Variants in LNX1 observed in about 807,000 individuals in gnomAD.
LNX1 encodes the protein E3 ubiquitin-protein ligase LNX.
LNX1 carries 54 observed loss-of-function variants against 68.4 expected under a neutral mutation model. The ratio of observed to expected loss-of-function variants is 0.79; its 90% CI spans 0.63 to 0.99. LNX1 has a LOEUF of 0.99. Ranked by LOEUF, LNX1 falls within the 50% of genes least tolerant of loss-of-function variation. The pLI is 0.00. For missense variants in LNX1, 906 were observed against 926.4 expected, an observed-to-expected ratio of 0.98 and a Z score of 0.29; for synonymous variants, 336 against 350.0, an observed-to-expected ratio of 0.96 and a Z score of 0.45.
At chr4:53,559,017 T>C (rs4864795) in intron 2 of LNX1, among the ~76,000 whole-genome samples, 26,564 of 152,110 alleles carry the variant, frequency 0.17, 3,268 homozygotes, top group African/African-American at 0.35. Flanking sequence ...TTCAAGAAGA[T>C]TAAATTCCAT....
intron 1 of LNX1, among the ~76,000 whole-genome samples, chr4:53,633,370 C>T (rs1251454509): frequency 6.6e-6 from 1 of 152,192 alleles, no homozygotes; most frequent in Non-Finnish European, 1.5e-5. Flanking sequence ...TCTTTCTCTT[C>T]TCCTTTTTAT....
intron 2 of LNX1, among the ~76,000 whole-genome samples, chr4:53,566,305 A>C (rs1410602458): frequency 6.6e-6 from 1 of 151,574 alleles, no homozygotes; most frequent in Non-Finnish European, 1.5e-5. Context: ...ATCTCTCTGC[A>C]GAAACCCTAC....
In LNX1 at chr4:53,460,905, T is replaced by G; in HGVS notation, c.*2A>C. 6.2e-7 allele frequency: 1 copy of G among 1,608,156 alleles called. No homozygotes were observed. The highest frequency in any genetic ancestry group is 8.5e-7 in the Non-Finnish European group (1 of 1,177,882). ...CTGTTTTCCTCTGACCCATCATTGA[T>G]TCTATAAAAAAGTGCCAGGCCAAGA... On this transcript the variant is annotated 3_prime_UTR_variant, in exon 11 of 11. Transcript: ENST00000263925.
rs1428478925 is a variant in LNX1, at chr4:53,459,677, A to G, written c.*1230T>C. 9 of 568,388 alleles carry G rather than the reference A, an allele frequency of 1.6e-5. No individual in the cohort carries two copies. The African/African-American group carries it at 1.7e-4, about 11-fold the overall frequency. 35.2% of individuals were successfully genotyped at this position (568,388 alleles called of 1,614,324 possible). A position where few individuals can be genotyped will look rare whatever the true frequency, so the allele number is the denominator to read the frequency against. ...AGACAGCAATGACTTTATATCCAAG[A>G]AAGGAATGTGAATGAGTCACTTAAC... is the stretch of plus-strand genomic sequence containing the variant. On this transcript the variant is annotated 3_prime_UTR_variant, in exon 11 of 11. Coordinates refer to ENST00000263925, the MANE Select transcript of LNX1 (RefSeq NM_001126328.3).
intron 4 of LNX1, chr4:53,501,726 A>G (rs1725517546): frequency 6.6e-6 from 1 of 152,248 alleles, no homozygotes; most frequent in African/African-American, 2.4e-5. Context: ...AGCTAACTGT[A>G]GGTTGCTGAA....
chr4:53,584,064 G>C (rs1414919104), intron 1 of LNX1, among the ~76,000 whole-genome samples: 1 of 152,174 alleles, frequency 6.6e-6, no homozygotes, highest in African/African-American at 2.4e-5. Context: ...TGATATCAGA[G>C]GGGTATGGAA....
chr4:53,479,319 T>A (rs1175872700), intron 7 of LNX1, among the ~76,000 whole-genome samples: 1 of 152,234 alleles, frequency 6.6e-6, no homozygotes, highest in Non-Finnish European at 1.5e-5. Flanking sequence ...AACTTTTCTA[T>A]GTTAAAAAAA....
intron 1 of LNX1, among the ~76,000 whole-genome samples, chr4:53,623,144 T>C (rs1733945802): frequency 6.6e-6 from 1 of 152,044 alleles, no homozygotes; most frequent in African/African-American, 2.4e-5. Context: ...GGCTGGACTA[T>C]ATGTGGGCTA....
intron 2 of LNX1, among the ~76,000 whole-genome samples, chr4:53,566,164 C>T (rs1222226072): frequency 2.0e-5 from 3 of 152,008 alleles, no homozygotes; most frequent in South Asian, 4.2e-4. Flanking sequence ...AAAGATACTC[C>T]TGGAGAAGAG....
chr4:53,536,487 T>C (rs1052308737), intron 2 of LNX1, among the ~76,000 whole-genome samples: 4 of 152,164 alleles, frequency 2.6e-5, no homozygotes, highest in African/African-American at 9.7e-5. Flanking sequence ...TTCCTCTTCC[T>C]CCCCAACCTT....
At chr4:53,633,481 C>A (rs1304922563) in intron 1 of LNX1, among the ~76,000 whole-genome samples, 1 of 152,118 alleles carries the variant, frequency 6.6e-6, no homozygotes, top group African/African-American at 2.4e-5. Flanking sequence ...AAATGCATGA[C>A]AATACTCAGA....
intron 6 of LNX1, among the ~76,000 whole-genome samples, chr4:53,493,058 C>A (rs1246947009): frequency 6.6e-6 from 1 of 152,124 alleles, no homozygotes; most frequent in African/African-American, 2.4e-5. Flanking sequence ...AAACCTCCGC[C>A]TCCCGAGTTC....
chr4:53,525,630 G>A (rs1727557713), intron 2 of LNX1, among the ~76,000 whole-genome samples: 1 of 152,218 alleles, frequency 6.6e-6, no homozygotes, highest in African/African-American at 2.4e-5. Context: ...GCCAGTGGAT[G>A]AAAACATTAA....
intron 5 of LNX1, among the ~76,000 whole-genome samples, chr4:53,498,432 A>T (rs563827621): frequency 4.5e-4 from 69 of 152,240 alleles, no homozygotes; most frequent in African/African-American, 1.6e-3. Flanking sequence ...TACAGAGAGA[A>T]AGGGGGGAGA....
At position 53,477,277 on chromosome 4, in the gene LNX1, AT is replaced by A. The variant is rs561738590; in HGVS notation, c.1664-297del. ...GAGAGGAAAATTAGTCTTGTTCACT[AT>A]TTAATCAAAGAAAACCTACTTTTTC... On this transcript the variant is annotated intron_variant, in intron 8 of 10. Coordinates refer to ENST00000263925, the MANE Select transcript of LNX1 (RefSeq NM_001126328.3). Among the ~76,000 whole-genome samples, 48 of 152,332 alleles carry A rather than the reference AT, an allele frequency of 3.2e-4. No homozygotes were observed. The South Asian group carries it at 9.3e-3, about 30-fold the overall frequency.
intron 2 of LNX1, among the ~76,000 whole-genome samples, chr4:53,543,242 T>C (rs1199191083): frequency 6.6e-6 from 1 of 152,238 alleles, no homozygotes; most frequent in Non-Finnish European, 1.5e-5. Flanking sequence ...GCTGCTTTCT[T>C]GGCAAGGCCT....
chr4:53,467,810 G>T (rs542413284), intron 9 of LNX1, among the ~76,000 whole-genome samples: 1 of 152,132 alleles, frequency 6.6e-6, no homozygotes, highest in Non-Finnish European at 1.5e-5. Context: ...AAAAAGAAAT[G>T]AACAAAGTCT....
rs530507483 is a variant in LNX1 at position 53,472,156 on chromosome 4, C to T, written c.1892+4597G>A. 1.7e-4 allele frequency among the ~76,000 whole-genome samples: 26 copies of T among 152,216 alleles called. No individual in the cohort carries two copies. In the South Asian group the frequency reaches 2.3e-3, roughly 13 times the overall value. On this transcript the variant is annotated intron_variant, in intron 9 of 10. Coordinates refer to ENST00000263925, the MANE Select transcript of LNX1 (RefSeq NM_001126328.3). ...TATACACCATGGAATACTATGTAGC[C>T]ATAAAAAAGGATGAGTTCATGTCCT...
At position 53,476,795 on chromosome 4, in the gene LNX1, C is replaced by T; in HGVS notation, c.1850G>A (p.Ser617Asn). ...CATGACCCAGGATGGGGACCAGTCA[C>T]TGGGTGGGGCCATGTTGTGGTTGGA... is the stretch of plus-strand genomic sequence containing the variant. ...LDSNHNMAPPSDWSPSWVMWL... is the reference protein window; with the variant it reads ...LDSNHNMAPPNDWSPSWVMWL... Residue 617 changes from serine (S) to asparagine (N), a missense_variant, in exon 9 of 11, where the codon AGT (serine) becomes AAT (asparagine). Coordinates refer to ENST00000263925, the MANE Select transcript of LNX1 (RefSeq NM_001126328.3). 17 of 1,614,156 alleles carry T rather than the reference C, an allele frequency of 1.1e-5. No homozygotes were observed. The highest frequency in any genetic ancestry group is 1.4e-5 in the Non-Finnish European group (17 of 1,180,036).
Sources: allele counts gnomAD v4.1 joint callset (sites outside exome capture counted in the v4.1 genomes callset), GRCh38; gene constraint gnomAD v4.1.1; transcripts MANE v1.5; gene names NCBI Gene and HGNC (gene_info 2026-07-23, HGNC 2026-07-21).